Variants in TCF4 observed in about 807,000 individuals in gnomAD.
TCF4 encodes the protein SL3-3 enhancer factor 2.
In TCF4, 3 loss-of-function variants were observed where a neutral mutation model predicts 82.1. The observed-to-expected ratio is 0.04, with a 90% CI of 0.02 to 0.09. The LOEUF is 0.09. Ranked by LOEUF, TCF4 falls within the 10% of genes least tolerant of loss-of-function variation. TCF4 has a pLI of 1.00. For synonymous variants in TCF4, 276 were observed against 309.6 expected, an observed-to-expected ratio of 0.89 and a Z score of 1.14; for missense variants, 518 against 852.7, an observed-to-expected ratio of 0.61 and a Z score of 4.89.
chr18:55,312,272 G>C (rs144579441), intron 8 of TCF4, among the ~76,000 whole-genome samples: 2 of 152,282 alleles, frequency 1.3e-5, no homozygotes, highest in South Asian at 2.1e-4. Context: ...CATTTAAACA[G>C]ACCAACTGAA....
intron 15 of TCF4, 89 bp downstream of exon 15, chr18:55,254,408 G>GATTTTTTAAAAA: frequency 1.5e-6 from 2 of 1,307,440 alleles, no homozygotes; most frequent in South Asian, 2.5e-5. Flanking sequence ...CAATAAAGCT[G>GATTTTTTAAAAA]ATTTTTTAAA....
At chr18:55,549,600 G>A (rs2097240885) in intron 3 of TCF4, among the ~76,000 whole-genome samples, 6 of 152,136 alleles carry the variant, frequency 3.9e-5, no homozygotes, top group African/African-American at 1.4e-4. Flanking sequence ...TCCACACCTT[G>A]TCTCACTGGA....
chr18:55,423,778 G>A (rs572796995), intron 5 of TCF4, among the ~76,000 whole-genome samples: 12 of 152,058 alleles, frequency 7.9e-5, no homozygotes, highest in East Asian at 1.9e-4. Context: ...AGCTCCCCCC[G>A]GACCTCATCT....
At chr18:55,238,263 C>A (rs991523942) in intron 15 of TCF4, among the ~76,000 whole-genome samples, 3 of 152,214 alleles carry the variant, frequency 2.0e-5, no homozygotes. Flanking sequence ...TATTAATACT[C>A]ATTGTAAATG....
intron 3 of TCF4, among the ~76,000 whole-genome samples, chr18:55,561,004 C>T (rs1568402142): frequency 6.6e-6 from 1 of 152,222 alleles, no homozygotes; most frequent in African/African-American, 2.4e-5. Flanking sequence ...ATTGCATGGC[C>T]CTAGCCAAAC....
intron 5 of TCF4, chr18:55,422,205 C>CG (rs2094797258): frequency 4.1e-6 from 4 of 981,800 alleles, no homozygotes; most frequent in Non-Finnish European, 4.8e-6. Flanking sequence ...ATGGGTAGCA[C>CG]GCCGAGGGAG....
intron 6 of TCF4, among the ~76,000 whole-genome samples, chr18:55,355,279 AG>A (rs2083224393): frequency 6.6e-6 from 1 of 152,204 alleles, no homozygotes; most frequent in African/African-American, 2.4e-5. Flanking sequence ...TGAAATTACA[AG>A]TTAGATTTGT....
At chr18:55,410,442 A>C (rs930670992) in intron 5 of TCF4, among the ~76,000 whole-genome samples, 3 of 152,018 alleles carry the variant, frequency 2.0e-5, no homozygotes, top group Admixed American at 1.3e-4. Flanking sequence ...TCTATATTCA[A>C]TTCTCCATAG....
chr18:55,564,430 A>G (rs1203888739), intron 3 of TCF4, among the ~76,000 whole-genome samples: 1 of 152,244 alleles, frequency 6.6e-6, no homozygotes, highest in Non-Finnish European at 1.5e-5. Context: ...AAGTGCAGAA[A>G]GTACTTAGGA....
intron 3 of TCF4, among the ~76,000 whole-genome samples, chr18:55,553,990 G>A (rs1240649647): frequency 6.6e-6 from 1 of 151,878 alleles, no homozygotes; most frequent in Non-Finnish European, 1.5e-5. Flanking sequence ...TTAAATTTTT[G>A]AAAATACATA....
chr18:55,281,597 C>T (rs2062621317), intron 8 of TCF4, among the ~76,000 whole-genome samples: 1 of 151,984 alleles, frequency 6.6e-6, no homozygotes, highest in Admixed American at 6.6e-5. Flanking sequence ...CAATTAAAAT[C>T]AATTCTTTTC....
At chr18:55,270,388 C>T (rs1159619973) in intron 10 of TCF4, among the ~76,000 whole-genome samples, 1 of 152,106 alleles carries the variant, frequency 6.6e-6, no homozygotes, top group Non-Finnish European at 1.5e-5. Context: ...TACATTTCAT[C>T]CTGATCTTCT....
At chr18:55,510,618 T>TC in intron 3 of TCF4, 1 of 1,517,026 alleles carries the variant, frequency 6.6e-7, no homozygotes, top group Non-Finnish European at 8.8e-7. Flanking sequence ...AGTAATAAAT[T>TC]CCCCCAATAT....
At chr18:55,258,370 T>C (rs915389824) in intron 13 of TCF4, among the ~76,000 whole-genome samples, 9 of 152,192 alleles carry the variant, frequency 5.9e-5, no homozygotes, top group East Asian at 1.9e-4. Context: ...GTGGCATCTC[T>C]AGCCTTGTTT....
Position 55,517,223 on chromosome 18 carries a change from CAG to C in TCF4, c.146-53088_146-53087del, listed in dbSNP as rs1458864936. Reference sequence around the variant, plus strand: ...GGAGTATCTGCAAGCATGATGTAAGCAGAGACTTAAAAAGTGCTTACTCATTT... The same window carrying C: ...GGAGTATCTGCAAGCATGATGTAAGCAGACTTAAAAAGTGCTTACTCATTT... On this transcript the variant is annotated intron_variant, in intron 3 of 19. Coordinates refer to ENST00000354452, the MANE Select transcript of TCF4 (RefSeq NM_001083962.2). 2.0e-5 allele frequency among the ~76,000 whole-genome samples: 3 copies of C among 152,136 alleles called. No homozygotes were observed. The East Asian group carries it at 5.8e-4, about 29-fold the overall frequency.
chr18:55,540,188 G>C (rs1233123359), intron 3 of TCF4, among the ~76,000 whole-genome samples: 1 of 151,894 alleles, frequency 6.6e-6, no homozygotes. Context: ...TAGTTGAGAA[G>C]ATTTCAGAAT....
chr18:55,423,967 G>A (rs2094881864), intron 5 of TCF4, among the ~76,000 whole-genome samples: 2 of 152,112 alleles, frequency 1.3e-5, no homozygotes, highest in Non-Finnish European at 1.5e-5. Flanking sequence ...CTTATGAGGA[G>A]TCCGGTCTTC....
At chr18:55,328,895 T>G (rs73490820) in intron 8 of TCF4, among the ~76,000 whole-genome samples, 3,150 of 152,234 alleles carry the variant, frequency 0.021, 91 homozygotes, top group African/African-American at 0.071. Flanking sequence ...TATCTAGGGT[T>G]TATTAACCCT....
intron 3 of TCF4, among the ~76,000 whole-genome samples, chr18:55,569,035 A>G (rs971917151): frequency 1.3e-5 from 2 of 152,320 alleles, no homozygotes; most frequent in South Asian, 2.1e-4. Context: ...ATAAAATTCA[A>G]TACCTGTTCA....
Sources: allele counts gnomAD v4.1 joint callset (sites outside exome capture counted in the v4.1 genomes callset), GRCh38; gene constraint gnomAD v4.1.1; transcripts MANE v1.5; gene names NCBI Gene and HGNC (gene_info 2026-07-23, HGNC 2026-07-21).